The following HIP1 variants were observed in gnomAD, a reference collection of about 807,000 sequenced individuals.
HIP1 encodes huntingtin-interacting protein 1.
In HIP1, 65 loss-of-function variants were observed where a neutral mutation model predicts 147.6. The observed-to-expected ratio is 0.44, with a 90% CI of 0.36 to 0.54. The LOEUF is 0.54. Among genes scored for constraint, HIP1 ranks in the 20% least tolerant of loss-of-function variants. The pLI, the probability that HIP1 is intolerant of heterozygous loss-of-function variation, is 0.00. For missense variants in HIP1, 1,061 were observed against 1,299.6 expected (o/e 0.82, Z 2.82); for synonymous variants, 479 against 504.0 (o/e 0.95, Z 0.67).
At chr7:75,668,085 G>A (rs1799614526) in intron 1 of HIP1, among the ~76,000 whole-genome samples, 1 of 116,676 alleles carries the variant, frequency 8.6e-6, no homozygotes, top group African/African-American at 3.6e-5. Flanking sequence ...GATTTTCCTA[G>A]AAGCCAAGGC....
intron 11 of HIP1, among the ~76,000 whole-genome samples, 178 bp from the exon 12 acceptor site, chr7:75,562,348 G>A (rs1795256201): frequency 6.6e-6 from 1 of 152,088 alleles, no homozygotes; most frequent in South Asian, 2.1e-4. Context: ...AGAGTACAGT[G>A]GTGCAATCAT....
At chr7:75,716,400 T>G (rs1342586873) in intron 1 of HIP1, among the ~76,000 whole-genome samples, 2 of 151,656 alleles carry the variant, frequency 1.3e-5, no homozygotes, top group Non-Finnish European at 2.9e-5. Context: ...TTTTTTGTAC[T>G]TTAGTAGAGA....
rs587614952 is a variant in HIP1 at position 75,559,718 on chromosome 7, C to T, written c.1375+14G>A. ...TGCCCCCGGGGCCCGCCCCCGCCCC[C>T]ACCCACCGCTCACTTTCTATCTCAG... On this transcript the variant is annotated intron_variant, in intron 14 of 30. Transcript: ENST00000336926. 1.4e-6 allele frequency: 2 copies of T among 1,450,156 alleles called. No homozygotes were observed. The highest frequency in any genetic ancestry group is 5.0e-5 in the East Asian group (2 of 39,912). The allele number at this position is 1,450,156 out of a possible 1,614,324, so 89.8% of individuals were successfully genotyped here. A position where few individuals can be genotyped will look rare whatever the true frequency, so the allele number is the denominator to read the frequency against.
chr7:75,539,537 AGTG>A, intron 29 of HIP1, 106 bp from the exon 30 acceptor site: 1 of 869,006 alleles, frequency 1.2e-6, no homozygotes, highest in Non-Finnish European at 1.8e-6. Flanking sequence ...CCAGGCTGGT[AGTG>A]AACTCCTGGC....
At chr7:75,676,862 A>G (rs1799911298) in intron 1 of HIP1, among the ~76,000 whole-genome samples, 1 of 151,902 alleles carries the variant, frequency 6.6e-6, no homozygotes, top group African/African-American at 2.4e-5. Context: ...GTTTGCCCCA[A>G]CTGTTATCCA....
intron 22 of HIP1, among the ~76,000 whole-genome samples, chr7:75,551,179 G>A (rs1794767649): frequency 9.6e-6 from 1 of 104,414 alleles, no homozygotes; most frequent in Non-Finnish European, 1.8e-5. Context: ...AGGCAAAGAT[G>A]TAGATGATAA....
chr7:75,615,372 T>A (rs1191061942), intron 1 of HIP1, among the ~76,000 whole-genome samples: 1 of 151,494 alleles, frequency 6.6e-6, no homozygotes, highest in Admixed American at 6.6e-5. Flanking sequence ...CTGGGCAACA[T>A]GGTAAGACCC....
chr7:75,676,503 G>A (rs544466167), intron 1 of HIP1, among the ~76,000 whole-genome samples: 94 of 151,652 alleles, frequency 6.2e-4, no homozygotes, highest in African/African-American at 1.9e-3. Context: ...ATGGCCTGGC[G>A]CGGTGGCTCA....
rs1794083234 is a variant in HIP1 at position 75,536,330 on chromosome 7, C to G, written c.*1842G>C. On this transcript the variant is annotated 3_prime_UTR_variant, in exon 31 of 31. Transcript: ENST00000336926. ...TTGAATGTCCCACTTAGAAAATGCA[C>G]AGAGAGGGAGTTGGGGAGGGGGGTG... 5.4e-6 allele frequency: 1 copy of G among 183,822 alleles called. No homozygotes were observed. Among genetic ancestry groups the G allele is most frequent in the East Asian group, 7.5e-5 (1 of 13,334 alleles). 11.4% of individuals were successfully genotyped at this position (183,822 alleles called of 1,614,324 possible).
intron 1 of HIP1, among the ~76,000 whole-genome samples, chr7:75,711,891 G>A (rs1405880599): frequency 2.0e-5 from 3 of 152,194 alleles, no homozygotes; most frequent in African/African-American, 7.2e-5. Flanking sequence ...GGGTGAGGGG[G>A]CAGCGTAGCT....
chr7:75,594,275 C>A (rs1340762521), intron 2 of HIP1, among the ~76,000 whole-genome samples: 3 of 151,396 alleles, frequency 2.0e-5, no homozygotes, highest in African/African-American at 7.3e-5. Flanking sequence ...CAAAACTCTG[C>A]CTCAACAACA....
intron 1 of HIP1, among the ~76,000 whole-genome samples, chr7:75,723,949 T>G (rs200827402): frequency 0.16 from 23,138 of 141,136 alleles, 2,017 homozygotes; most frequent in Non-Finnish European, 0.2. Context: ...TATATATATA[T>G]AGAGAGAGAG....
chr7:75,692,046 GT>G (rs1441966256), intron 1 of HIP1, among the ~76,000 whole-genome samples: 4 of 152,068 alleles, frequency 2.6e-5, no homozygotes, highest in African/African-American at 9.7e-5. Context: ...TTAATTTTAT[GT>G]TGTGCAAGTT....
chr7:75,727,698 T>A (rs1056386365), intron 1 of HIP1, among the ~76,000 whole-genome samples: 42 of 151,916 alleles, frequency 2.8e-4, no homozygotes, highest in African/African-American at 9.9e-4. Context: ...ATAGAAAAAT[T>A]ATCCGGGCAT....
In HIP1 at chr7:75,538,237, G is replaced by A. The variant is rs782670604; in HGVS notation, c.3062-13C>T. On this transcript the variant is annotated splice_polypyrimidine_tract_variant and intron_variant, in intron 30 of 30. Transcript: ENST00000336926. ...GATGCCTCTGTTCCTAAAAGACAAT[G>A]ATAATTTATGTTGCAAAGCACTCAT... 1.9e-5 allele frequency: 30 copies of A among 1,609,480 alleles called. No individual in the cohort carries two copies. In the Admixed American group the frequency reaches 3.2e-4, roughly 17 times the overall value.
At chr7:75,593,623 C>T (rs1469984201) in intron 2 of HIP1, among the ~76,000 whole-genome samples, 2 of 123,632 alleles carry the variant, frequency 1.6e-5, no homozygotes, top group East Asian at 2.2e-4. Flanking sequence ...GAGCAAGACT[C>T]CATCTCAAAA....
At chr7:75,575,933 A>G (rs1795832819) in intron 7 of HIP1, among the ~76,000 whole-genome samples, 2 of 151,578 alleles carry the variant, frequency 1.3e-5, no homozygotes, top group African/African-American at 4.8e-5. Context: ...AAAAATCCCG[A>G]ACTGTTCTAA....
intron 18 of HIP1, among the ~76,000 whole-genome samples, 179 bp from the exon 19 acceptor site, chr7:75,555,730 G>A (rs935365502): frequency 1.2e-4 from 18 of 152,090 alleles, no homozygotes; most frequent in Admixed American, 6.5e-5. Flanking sequence ...GGCTGCCCAC[G>A]ATGTGCGGCT....
intron 1 of HIP1, among the ~76,000 whole-genome samples, chr7:75,689,079 G>C (rs573355044): frequency 6.6e-6 from 1 of 152,154 alleles, no homozygotes; most frequent in East Asian, 1.9e-4. Flanking sequence ...GGTAGGGCGC[G>C]GTGGCTCATG....
Sources: allele counts gnomAD v4.1 joint callset (sites outside exome capture counted in the v4.1 genomes callset), GRCh38; gene constraint gnomAD v4.1.1; transcripts MANE v1.5; gene names NCBI Gene and HGNC (gene_info 2026-07-23, HGNC 2026-07-21).